The following RALYL variants were observed in gnomAD, a reference collection of about 807,000 sequenced individuals.
RALYL encodes the protein RNA-binding Raly-like protein.
RALYL carries 29 observed loss-of-function variants against 35.1 expected under a neutral mutation model. The ratio of observed to expected loss-of-function variants is 0.83; its 90% CI spans 0.61 to 1.13. The LOEUF is 1.13. Ranked by LOEUF, RALYL falls within the 50% of genes most tolerant of loss-of-function variation. RALYL has a pLI of 0.00. For missense variants in RALYL, 359 were observed against 360.4 expected (o/e 1.00, Z 0.03); for synonymous variants, 120 against 127.6 (o/e 0.94, Z 0.40).
intron 3 of RALYL, among the ~76,000 whole-genome samples, chr8:84,793,042 G>A (rs928700486): frequency 6.6e-6 from 1 of 152,164 alleles, no homozygotes; most frequent in African/African-American, 2.4e-5. Context: ...GGGAAAGACT[G>A]ACAGAAGTTA....
chr8:84,634,693 T>C (rs953377907), intron 2 of RALYL, among the ~76,000 whole-genome samples: 18 of 151,522 alleles, frequency 1.2e-4, no homozygotes, highest in Non-Finnish European at 2.4e-4. Flanking sequence ...ATGGGAAAAA[T>C]TGATAAAAGA....
At chr8:84,498,327 A>C (rs1254843379) in intron 1 of RALYL, among the ~76,000 whole-genome samples, 1 of 152,078 alleles carries the variant, frequency 6.6e-6, no homozygotes, top group African/African-American at 2.4e-5. Context: ...GCTCTTCAAA[A>C]TTCTAACCAC....
At chr8:84,530,941 G>A (rs1380833307) in intron 2 of RALYL, among the ~76,000 whole-genome samples, 1 of 152,066 alleles carries the variant, frequency 6.6e-6, no homozygotes, top group Admixed American at 6.6e-5. Flanking sequence ...CAGACAACAG[G>A]TCTTTGCTAA....
chr8:84,238,383 A>T (rs1443029563), intron 1 of RALYL, among the ~76,000 whole-genome samples: 2 of 151,972 alleles, frequency 1.3e-5, no homozygotes, highest in Non-Finnish European at 2.9e-5. Flanking sequence ...TTCTCCGAAG[A>T]CTCAAATCTT....
intron 1 of RALYL, among the ~76,000 whole-genome samples, chr8:84,391,051 A>T (rs903548155): frequency 1.3e-5 from 2 of 152,016 alleles, no homozygotes; most frequent in African/African-American, 2.4e-5. Context: ...TGAGGTGAGA[A>T]TTGAGACACT....
At chr8:84,533,978 A>G (rs1418174747) in intron 2 of RALYL, among the ~76,000 whole-genome samples, 1 of 152,240 alleles carries the variant, frequency 6.6e-6, no homozygotes, top group Non-Finnish European at 1.5e-5. Context: ...TTTTGCATCC[A>G]GAGTGATCTT....
chr8:84,580,184 A>T (rs1026348374), intron 2 of RALYL, among the ~76,000 whole-genome samples: 1 of 152,182 alleles, frequency 6.6e-6, no homozygotes, highest in African/African-American at 2.4e-5. Context: ...TCATTTATTC[A>T]TTATGTGCAT....
At chr8:84,305,890 T>C (rs1385232731) in intron 1 of RALYL, among the ~76,000 whole-genome samples, 1 of 152,160 alleles carries the variant, frequency 6.6e-6, no homozygotes, top group Non-Finnish European at 1.5e-5. Flanking sequence ...ACAAAGAGTA[T>C]GTAATTCCAG....
At chr8:84,512,925 C>T (rs1188907832) in intron 1 of RALYL, among the ~76,000 whole-genome samples, 1 of 152,064 alleles carries the variant, frequency 6.6e-6, no homozygotes, top group African/African-American at 2.4e-5. Flanking sequence ...TTTTGGTTAT[C>T]ATAGCCTTGG....
intron 1 of RALYL, among the ~76,000 whole-genome samples, chr8:84,404,426 T>A (rs1421669874): frequency 1.3e-5 from 2 of 152,156 alleles, no homozygotes; most frequent in East Asian, 3.9e-4. Context: ...TCTATTGAGA[T>A]AATCATGTGG....
intron 1 of RALYL, among the ~76,000 whole-genome samples, chr8:84,278,346 C>A (rs2132044402): frequency 6.6e-6 from 1 of 152,334 alleles, no homozygotes. Context: ...AGTGGGGTCC[C>A]TGGGCCTGGC....
chr8:84,409,905 C>A (rs2043931915), intron 1 of RALYL, among the ~76,000 whole-genome samples: 1 of 151,944 alleles, frequency 6.6e-6, no homozygotes, highest in Non-Finnish European at 1.5e-5. Context: ...TCTAATGGCT[C>A]TATGATGTTG....
chr8:84,853,441 C>T (rs1836297017), intron 5 of RALYL, among the ~76,000 whole-genome samples: 1 of 152,158 alleles, frequency 6.6e-6, no homozygotes, highest in Admixed American at 6.5e-5. Context: ...TGCCAAAGAA[C>T]AAGAGCTTTA....
At chr8:84,210,932 T>C (rs952877091) in intron 1 of RALYL, among the ~76,000 whole-genome samples, 12 of 152,270 alleles carry the variant, frequency 7.9e-5, no homozygotes, top group African/African-American at 2.6e-4. Flanking sequence ...CTATTGCTTA[T>C]ATAATTATAG....
chr8:84,444,499 C>T (rs1431196970), intron 1 of RALYL, among the ~76,000 whole-genome samples: 2 of 151,938 alleles, frequency 1.3e-5, no homozygotes, highest in East Asian at 3.9e-4. Flanking sequence ...AAGGAGAATA[C>T]CAGCAGAGTT....
chr8:84,837,183 A>G (rs1236794014), intron 4 of RALYL, among the ~76,000 whole-genome samples: 1 of 152,136 alleles, frequency 6.6e-6, no homozygotes, highest in East Asian at 1.9e-4. Context: ...CTTACGGTCA[A>G]CTGTGTATTT....
intron 1 of RALYL, among the ~76,000 whole-genome samples, chr8:84,526,670 T>C (rs1252896867): frequency 6.6e-6 from 1 of 152,218 alleles, no homozygotes; most frequent in Admixed American, 6.5e-5. Context: ...TCAAGAAACC[T>C]GTCACACAAA....
chr8:84,315,716 T>G (rs1457164758), intron 1 of RALYL, among the ~76,000 whole-genome samples: 6 of 151,990 alleles, frequency 3.9e-5, no homozygotes, highest in Non-Finnish European at 8.8e-5. Flanking sequence ...TTTACAAGCA[T>G]GTAGCCCAAG....
rs1813120681 is a variant in RALYL, at chr8:84,590,976, T to C, written c.256+61399T>C. On this transcript the variant is annotated intron_variant, in intron 2 of 8. Transcript: ENST00000521268. ...TTTAGTTCCTTTATAGATGTTTTTC[T>C]ATATAACAAATTTTATAAGATAAGT... Among the ~76,000 whole-genome samples, 3 of 152,194 alleles carry C rather than the reference T, an allele frequency of 2.0e-5. No homozygotes were observed. The South Asian group carries it at 6.2e-4, about 31-fold the overall frequency.
Sources: gnomAD v4.1 joint callset for allele counts (sites outside exome capture counted in the v4.1 genomes callset) on GRCh38, gnomAD v4.1.1 for gene constraint, MANE v1.5 for transcripts, NCBI Gene and HGNC (gene_info 2026-07-23, HGNC 2026-07-21) for gene names.